The following P2RX5 variants were observed in gnomAD, a reference collection of about 807,000 sequenced individuals.
The protein encoded by P2RX5 is P2X purinoceptor 5.
P2RX5 carries 46 observed loss-of-function variants against 54.1 expected under a neutral mutation model. That is an observed-to-expected ratio of 0.85 (90% CI 0.67 to 1.09). P2RX5 has a LOEUF of 1.09. Ranked by LOEUF, P2RX5 falls within the 50% of genes least tolerant of loss-of-function variation. The pLI, the probability that P2RX5 is intolerant of heterozygous loss-of-function variation, is 0.00. For synonymous variants in P2RX5, 226 were observed against 226.4 expected (o/e 1.00, Z 0.02); for missense variants, 566 against 549.8 (o/e 1.03, Z -0.29).
chr17:3,713,675 G>A, the P2RX5 span, among the ~76,000 whole-genome samples: 194 of 151,878 alleles, frequency 1.3e-3, 1 homozygote, highest in African/African-American at 4.1e-3. Context: ...GCTTGAACCC[G>A]GGAGGCGGAG....
intron 11 of P2RX5, chr17:3,677,626 G>C: frequency 3.0e-6 from 3 of 985,400 alleles, no homozygotes; most frequent in Non-Finnish European, 3.6e-6. Context: ...GAGTGGCTGG[G>C]CCTGGCTGTG....
At chr17:3,688,598 TC>T (rs1200814400) in intron 8 of P2RX5, 27 bp downstream of exon 8, 1 of 1,613,560 alleles carries the variant, frequency 6.2e-7, no homozygotes, top group Non-Finnish European at 8.5e-7. Context: ...CATGGTCAGG[TC>T]ACAAGTGGGC....
the P2RX5 span, among the ~76,000 whole-genome samples, chr17:3,715,127 C>T: frequency 2.6e-5 from 4 of 152,224 alleles, no homozygotes; most frequent in Non-Finnish European, 5.9e-5. Context: ...CTCTGGTGCT[C>T]ATCCCTCAAT....
At chr17:3,711,634 G>A in the P2RX5 span, among the ~76,000 whole-genome samples, 28 of 151,986 alleles carry the variant, frequency 1.8e-4, no homozygotes, top group Non-Finnish European at 2.9e-4. Context: ...TGCCCACGTC[G>A]GCGCCTCCCG....
chr17:3,723,465 T>C, the P2RX5 span: 4 of 1,115,352 alleles, frequency 3.6e-6, no homozygotes, highest in South Asian at 2.5e-5. Context: ...ACACAGAGCA[T>C]CGTAAGGTCC....
intron 10 of P2RX5, 44 bp downstream of exon 10, chr17:3,681,852 C>G (rs758861742): frequency 7.3e-7 from 1 of 1,360,618 alleles, no homozygotes; most frequent in East Asian, 2.3e-5. Context: ...CGGGGGTGCT[C>G]CACAGGGCTG....
At chr17:3,723,343 G>A in the P2RX5 span, 1 of 1,614,002 alleles carries the variant, frequency 6.2e-7, no homozygotes, top group African/African-American at 1.3e-5. Context: ...TTCTTTATCT[G>A]AAGCGATGAC....
the P2RX5 span, among the ~76,000 whole-genome samples, chr17:3,701,691 T>A: frequency 3.2e-5 from 1 of 31,480 alleles, no homozygotes. Context: ...TGAAACTCTG[T>A]CTCAGAAAAA....
intron 11 of P2RX5, chr17:3,675,666 C>T: frequency 1.4e-6 from 1 of 712,098 alleles, no homozygotes. Context: ...ATTCTCCTGC[C>T]TCCGCCTCCC....
At chr17:3,690,243 C>T (rs922627328) in intron 5 of P2RX5, 93 bp from the exon 6 acceptor site, 2 of 1,306,322 alleles carry the variant, frequency 1.5e-6, no homozygotes, top group Non-Finnish European at 2.2e-6. Context: ...TCCTTGGGTC[C>T]CCTGGAGCCT....
chr17:3,675,812 A>G (rs895410592), intron 11 of P2RX5: 2 of 963,536 alleles, frequency 2.1e-6, no homozygotes, highest in African/African-American at 1.8e-5. Context: ...CGGCCTCCCA[A>G]AGTGCTGGGA....
intron 10 of P2RX5, among the ~76,000 whole-genome samples, chr17:3,680,441 A>T (rs1275168399): frequency 5.3e-5 from 3 of 57,092 alleles, no homozygotes; most frequent in South Asian, 7.8e-4. Context: ...TCCACCCTGC[A>T]TCCTCCACCC....
the P2RX5 span, chr17:3,720,504 GGGCTTAGTTAAT>G: frequency 4.6e-6 from 3 of 646,496 alleles, no homozygotes; most frequent in Non-Finnish European, 8.5e-6. Flanking sequence ...AGGTATTCCT[GGGCTTAGTTAAT>G]GGCCCTAACG....
intron 11 of P2RX5, 141 bp from the exon 12 acceptor site, chr17:3,674,018 C>G (rs1179178867): frequency 1.7e-5 from 15 of 891,170 alleles, no homozygotes; most frequent in Non-Finnish European, 2.7e-5. Context: ...CATTTAAAAG[C>G]CAGTTTCCGG....
intron 9 of P2RX5, among the ~76,000 whole-genome samples, chr17:3,684,584 A>G (rs1425296285): frequency 6.6e-6 from 1 of 152,200 alleles, no homozygotes; most frequent in Non-Finnish European, 1.5e-5. Flanking sequence ...CCTGGGCAAC[A>G]GAGCAAAAAC....
chr17:3,700,001 G>T (rs934672201), upstream of P2RX5, among the ~76,000 whole-genome samples: 9 of 151,946 alleles, frequency 5.9e-5, no homozygotes, highest in Admixed American at 1.3e-4. Context: ...AGGAAGTATT[G>T]GTGTTATGTG....
Position 3,689,496 on chromosome 17 carries a change from A to G in P2RX5, c.749T>C (p.Leu250Pro), listed in dbSNP as rs2050541872. 2 of 1,613,926 alleles carry G rather than the reference A, an allele frequency of 1.2e-6. No individual in the cohort carries two copies. The change falls in exon 7 of 12, where the codon CTG becomes CCG. Residue 250 changes from leucine (L) to proline (P), a missense_variant. Transcript: ENST00000225328. ...WAGSDFQDIA[L>P]EGGVIGINIE... ...CCCTGCGTGCACCCCACCCACCTCC[A>G]GGGCTATATCCTGGAAGTCGCTCCC... is the stretch of plus-strand genomic sequence containing the variant.
rs2567865 is a variant in P2RX5 at position 3,685,748 on chromosome 17, G to T, written c.981+2264C>A. 6.3e-3 allele frequency among the ~76,000 whole-genome samples: 118 copies of T among 18,672 alleles called. 4 individuals carry two copies. The highest frequency in any genetic ancestry group is 0.071 in the Middle Eastern group (1 of 14). The allele number at this position is 18,672 out of a possible 152,430, so 12.2% of individuals were successfully genotyped here. A position where few individuals can be genotyped will look rare whatever the true frequency, so the allele number is the denominator to read the frequency against. ...GCCTGAGAACAGGAGAACGCACAGC[G>T]GGGCCCCCAGGGACCCTCCCAACGT... On this transcript the variant is annotated intron_variant, in intron 9 of 11. Coordinates refer to ENST00000225328, the MANE Select transcript of P2RX5 (RefSeq NM_002561.4).
chr17:3,699,052 G>GACACACAC (rs71379596), upstream of P2RX5, among the ~76,000 whole-genome samples: 2 of 40,848 alleles, frequency 4.9e-5, no homozygotes, highest in African/African-American at 9.6e-5. Flanking sequence ...TATATAGACA[G>GACACACAC]ACACACACAC....
Sources: gnomAD v4.1 joint callset for allele counts (sites outside exome capture counted in the v4.1 genomes callset) on GRCh38, gnomAD v4.1.1 for gene constraint, MANE v1.5 for transcripts, NCBI Gene and HGNC (gene_info 2026-07-23, HGNC 2026-07-21) for gene names.